DOCK4: variants seen among roughly 807,000 people sequenced by gnomAD.
DOCK4 encodes the protein dedicator of cytokinesis protein 4.
DOCK4 carries 97 observed loss-of-function variants against 268.1 expected under a neutral mutation model. The observed-to-expected ratio is 0.36, with a 90% confidence interval of 0.31 to 0.43. The LOEUF (loss-of-function observed/expected upper bound fraction) is 0.43. Among genes scored for constraint, DOCK4 ranks in the 20% least tolerant of loss-of-function variants. The pLI is 1.00. For missense variants in DOCK4, 2,145 were observed against 2,455.7 expected, an observed-to-expected ratio of 0.87 and a Z score of 2.67; for synonymous variants, 954 against 887.2, an observed-to-expected ratio of 1.08 and a Z score of -1.34.
chr7:111,959,475 G>A (rs548139843), intron 8 of DOCK4, among the ~76,000 whole-genome samples: 1 of 152,124 alleles, frequency 6.6e-6, no homozygotes, highest in Non-Finnish European at 1.5e-5. Flanking sequence ...GAACTTCTGC[G>A]ATCATGCTAT....
At chr7:111,731,658 G>A (rs188670318) in intron 52 of DOCK4, among the ~76,000 whole-genome samples, 1 of 152,236 alleles carries the variant, frequency 6.6e-6, no homozygotes, top group East Asian at 1.9e-4. Context: ...TTTCCAGTTT[G>A]TTCCCTAGAA....
chr7:111,931,513 T>C (rs1794199698), intron 12 of DOCK4, among the ~76,000 whole-genome samples: 2 of 152,158 alleles, frequency 1.3e-5, no homozygotes, highest in South Asian at 4.1e-4. Context: ...AGAATGTGCT[T>C]CCCTTCCTTC....
chr7:111,755,216 C>G (rs1796938003), intron 42 of DOCK4, among the ~76,000 whole-genome samples: 1 of 152,200 alleles, frequency 6.6e-6, no homozygotes, highest in Non-Finnish European at 1.5e-5. Context: ...GAAGGTCACA[C>G]AGCTATAGTA....
At chr7:111,916,965 C>T (rs1291067515) in intron 12 of DOCK4, among the ~76,000 whole-genome samples, 1 of 150,540 alleles carries the variant, frequency 6.6e-6, no homozygotes, top group Non-Finnish European at 1.5e-5. Flanking sequence ...ACCCACCTCC[C>T]ACCCTTTCCC....
chr7:112,017,072 G>C (rs1319036722), intron 1 of DOCK4, among the ~76,000 whole-genome samples: 1 of 152,106 alleles, frequency 6.6e-6, no homozygotes, highest in East Asian at 1.9e-4. Context: ...AAGGAATCTA[G>C]ATAAAATTAT....
intron 1 of DOCK4, among the ~76,000 whole-genome samples, chr7:112,195,019 A>G (rs1361991660): frequency 6.6e-6 from 1 of 152,124 alleles, no homozygotes; most frequent in Admixed American, 6.5e-5. Context: ...TGGCTCACGC[A>G]TGTAATTCCA....
intron 1 of DOCK4, among the ~76,000 whole-genome samples, chr7:112,090,912 A>C (rs2729538): frequency 0.25 from 38,712 of 152,042 alleles, 5,186 homozygotes; most frequent in East Asian, 0.33. Flanking sequence ...GGGGAGCACC[A>C]GATTTTCTGT....
chr7:112,079,474 C>A (rs1028716504), intron 1 of DOCK4, among the ~76,000 whole-genome samples: 1 of 152,264 alleles, frequency 6.6e-6, no homozygotes, highest in East Asian at 1.9e-4. Context: ...CTGTACTCTA[C>A]TTGTAAATTA....
intron 39 of DOCK4, among the ~76,000 whole-genome samples, chr7:111,760,535 A>C (rs1165281883): frequency 6.6e-6 from 1 of 152,184 alleles, no homozygotes; most frequent in Non-Finnish European, 1.5e-5. Flanking sequence ...AATAAGGCCC[A>C]ATAGAATGCC....
At chr7:111,732,374 A>C in intron 51 of DOCK4, 87 bp from the exon 52 acceptor site, 2 of 1,398,678 alleles carry the variant, frequency 1.4e-6, no homozygotes, top group Non-Finnish European at 1.0e-6. Context: ...ACAAACCCAA[A>C]CAGATGATCC....
chr7:111,961,485 G>C (rs983001013), intron 8 of DOCK4, among the ~76,000 whole-genome samples: 5 of 152,120 alleles, frequency 3.3e-5, no homozygotes, highest in African/African-American at 1.2e-4. Context: ...CTTACAACTG[G>C]AATTCCCTCA....
intron 1 of DOCK4, among the ~76,000 whole-genome samples, chr7:112,144,294 G>A (rs571311461): frequency 3.3e-5 from 5 of 152,290 alleles, no homozygotes; most frequent in African/African-American, 4.8e-5. Flanking sequence ...TATGAACTAA[G>A]CACTATTCAG....
intron 16 of DOCK4, among the ~76,000 whole-genome samples, 171 bp downstream of exon 16, chr7:111,895,441 A>G (rs2074131): frequency 0.48 from 72,675 of 152,164 alleles, 19,312 homozygotes; most frequent in African/African-American, 0.73. Context: ...ATATGTTCTA[A>G]AATATAACCC....
At chr7:111,888,205 C>A (rs1808007652) in intron 16 of DOCK4, among the ~76,000 whole-genome samples, 1 of 149,728 alleles carries the variant, frequency 6.7e-6, no homozygotes, top group South Asian at 2.1e-4. Flanking sequence ...TCTAGCAATG[C>A]CCTAATCTGT....
chr7:111,983,998 G>A (rs79180106), intron 7 of DOCK4, among the ~76,000 whole-genome samples: 3 of 152,024 alleles, frequency 2.0e-5, no homozygotes, highest in Admixed American at 1.3e-4. Context: ...ATAAGTATGC[G>A]TGACTTGTAA....
At chr7:111,832,757 T>A (rs1467247315) in intron 26 of DOCK4, among the ~76,000 whole-genome samples, 1 of 152,120 alleles carries the variant, frequency 6.6e-6, no homozygotes, top group Non-Finnish European at 1.5e-5. Context: ...TGATCTCAGG[T>A]GATCCACCCA....
Position 111,745,683 on chromosome 7 carries a change from T to TAAAAAA in DOCK4, c.4677+645_4677+650dup, listed in dbSNP as rs781530065. Among the ~76,000 whole-genome samples, 10 of 49,612 alleles carry TAAAAAA rather than the reference T, an allele frequency of 2.0e-4. 1 individual carries two copies. The highest frequency in any genetic ancestry group is 5.4e-4 in the African/African-American group (6 of 11,012). 32.5% of individuals were successfully genotyped at this position (49,612 alleles called of 152,430 possible). ...TGGGTGACAGAGGGAGACTCCGTCT[T>TAAAAAA]AAAAAAAAAAAAAAAAAAAAAAAAA... On this transcript the variant is annotated intron_variant, in intron 44 of 52. Transcript: ENST00000428084.
At chr7:111,828,514 T>C (rs538141306) in intron 26 of DOCK4, among the ~76,000 whole-genome samples, 1 of 152,258 alleles carries the variant, frequency 6.6e-6, no homozygotes, top group East Asian at 1.9e-4. Flanking sequence ...TTTGAACTGT[T>C]AAAAAGAAAG....
rs576089294 is a variant in DOCK4, at chr7:111,729,844, G to A, written c.5482-1124C>T. On this transcript the variant is annotated intron_variant, in intron 52 of 52. Coordinates refer to ENST00000428084, the MANE Select transcript of DOCK4 (RefSeq NM_001363540.2). ...CTCCAGACTCCTGAGCTGAACTGGC[G>A]AACTGGCAGCCCTCGGGGCTGTAGC... 2.0e-4 allele frequency among the ~76,000 whole-genome samples: 31 copies of A among 152,318 alleles called. 1 individual carries two copies. The South Asian group carries it at 2.5e-3, about 12-fold the overall frequency.
Sources: allele counts gnomAD v4.1 joint callset (sites outside exome capture counted in the v4.1 genomes callset), GRCh38; gene constraint gnomAD v4.1.1; transcripts MANE v1.5; gene names NCBI Gene and HGNC (gene_info 2026-07-23, HGNC 2026-07-21).